The following HLA-DOA variants were observed in gnomAD, a reference collection of about 807,000 sequenced individuals.
The protein encoded by HLA-DOA is HLA class II histocompatibility antigen, DO alpha chain.
A neutral mutation model predicts 22.9 loss-of-function variants in HLA-DOA; 27 were observed. That is an observed-to-expected ratio of 1.18 (90% CI 0.87 to 1.62). HLA-DOA has a LOEUF of 1.62. Ranked by LOEUF, HLA-DOA falls within the 40% of genes most tolerant of loss-of-function variation. The pLI, the probability that HLA-DOA is intolerant of heterozygous loss-of-function variation, is 0.00. For missense variants in HLA-DOA, 324 were observed against 332.4 expected, an observed-to-expected ratio of 0.97 and a Z score of 0.20; for synonymous variants, 137 against 138.6, an observed-to-expected ratio of 0.99 and a Z score of 0.08.
At chr6:33,006,944 C>A in intron 4 of HLA-DOA, 103 bp from the exon 5 acceptor site, 5 of 1,448,764 alleles carry the variant, frequency 3.5e-6, no homozygotes, top group Non-Finnish European at 4.8e-6. Context: ...TCTCACCCCA[C>A]CTCTGCTTCT....
intron 2 of HLA-DOA, 173 bp downstream of exon 2, chr6:33,007,840 G>A (rs1780888718): frequency 1.1e-6 from 1 of 948,882 alleles, no homozygotes; most frequent in South Asian, 1.7e-5. Context: ...TCCTCAAGGA[G>A]AGGGGTGCCA....
Position 33,007,980 on chromosome 6 carries a change from G to A in HLA-DOA, c.331+33C>T, listed in dbSNP as rs1409201001. 8 of 1,595,382 alleles carry A rather than the reference G, an allele frequency of 5.0e-6. No individual in the cohort carries two copies. The African/African-American group carries it at 5.4e-5, about 11-fold the overall frequency. ...GGAGGAAGTTTCTCTGGACCTTCCCGCCTGACTGGGTGGGCAGAGGGAGGG... is the reference window on the plus strand; with the variant it reads ...GGAGGAAGTTTCTCTGGACCTTCCCACCTGACTGGGTGGGCAGAGGGAGGG... On this transcript the variant is annotated intron_variant, in intron 2 of 4. Coordinates refer to ENST00000229829, the MANE Select transcript of HLA-DOA (RefSeq NM_002119.4).
At chr6:33,007,725 G>A in intron 2 of HLA-DOA, 133 bp from the exon 3 acceptor site, 1 of 1,080,686 alleles carries the variant, frequency 9.3e-7, no homozygotes, top group Non-Finnish European at 1.3e-6. Flanking sequence ...ACTGGGGCAG[G>A]AGAGGAGGAA....
chr6:33,004,819 A>C lies in HLA-DOA; in HGVS notation c.*2019T>G, dbSNP rs1228161860. ...CTATACTTTGCATGTGATCACACAA[A>C]GAGGGTTTCTGTTACTGGCACACAA... On this transcript the variant is annotated 3_prime_UTR_variant, in exon 5 of 5. Coordinates refer to ENST00000229829, the MANE Select transcript of HLA-DOA (RefSeq NM_002119.4). 1 of 152,200 alleles carries C rather than the reference A, an allele frequency of 6.6e-6. No homozygotes were observed. Among genetic ancestry groups the C allele is most frequent in the Non-Finnish European group, 1.5e-5 (1 of 68,058 alleles). 9.4% of individuals were successfully genotyped at this position (152,200 alleles called of 1,614,324 possible).
At chr6:33,007,692 G>T in intron 2 of HLA-DOA, 100 bp from the exon 3 acceptor site, 3 of 1,359,322 alleles carry the variant, frequency 2.2e-6, no homozygotes, top group Non-Finnish European at 3.0e-6. Context: ...CCATCTGTGG[G>T]CAGGGGATGC....
In HLA-DOA at chr6:33,007,483, C is replaced by G. The variant is rs779247809; in HGVS notation, c.441G>C (p.Trp147Cys). The G allele has an allele frequency of 6.2e-7, 1 of 1,612,566 alleles. No individual in the cohort carries two copies. Among genetic ancestry groups the G allele is most frequent in the African/African-American group, 1.3e-5 (1 of 74,920 alleles). ...NIFPPVINITWLRNGQTVTEG... is the reference protein window; with the variant it reads ...NIFPPVINITCLRNGQTVTEG... ...CAGTGACAGTTTGGCCGTTGCGCAG[C>G]CAGGTGATATTGATCACAGGGGGGA... is the stretch of plus-strand genomic sequence containing the variant. The change falls in exon 3 of 5, where the codon TGG (tryptophan) becomes TGC (cysteine). Residue 147 changes from tryptophan (W) to cysteine (C), a missense_variant. Coordinates refer to ENST00000229829, the MANE Select transcript of HLA-DOA (RefSeq NM_002119.4).
chr6:33,004,555 T>C lies in HLA-DOA; in HGVS notation c.*2283A>G, dbSNP rs999110286. On this transcript the variant is annotated 3_prime_UTR_variant, in exon 5 of 5. Coordinates refer to ENST00000229829, the MANE Select transcript of HLA-DOA (RefSeq NM_002119.4). The stretch of plus-strand genomic sequence containing the variant: ...CTGTGGGTTGTGAGGGTTGAGATGA[T>C]ATAAACTCAGGAGCTGTCGGGTGGA... 3 of 152,136 alleles carry C rather than the reference T, an allele frequency of 2.0e-5. No homozygotes were observed. The highest frequency in any genetic ancestry group is 2.9e-5 in the Non-Finnish European group (2 of 68,038). 9.4% of individuals were successfully genotyped at this position (152,136 alleles called of 1,614,324 possible). A position where few individuals can be genotyped will look rare whatever the true frequency, so the allele number is the denominator to read the frequency against.
Position 33,007,109 on chromosome 6 carries a change from GA to G in HLA-DOA, c.719del (p.Ile240ThrfsTer41). On this transcript the variant is annotated frameshift_variant, in exon 4 of 5. Coordinates refer to ENST00000229829, the MANE Select transcript of HLA-DOA (RefSeq NM_002119.4). LOFTEE classifies it low-confidence loss of function (END_TRUNC). ...GGACACTGGACACATATGTGCCCAT[GA>G]TGATGAGGACGGTGCCCACGAGGAA... ...VGFLVGTVLI[I>X]MGTYVSSVPR The G allele has an allele frequency of 6.2e-7, 1 of 1,613,684 alleles. No individual in the cohort carries two copies. The highest frequency in any genetic ancestry group is 8.5e-7 in the Non-Finnish European group (1 of 1,179,918).
Position 33,008,003 on chromosome 6 carries a change from G to C in HLA-DOA, c.331+10C>G. ...CCGCCTGACTGGGTGGGCAGAGGGA[G>C]GGCCGGTACCGTTGATGGCTCTGCT... On this transcript the variant is annotated intron_variant, in intron 2 of 4. Transcript: ENST00000229829. 6 of 1,605,888 alleles carry C rather than the reference G, an allele frequency of 3.7e-6. No individual in the cohort carries two copies. The highest frequency in any genetic ancestry group is 5.1e-6 in the Non-Finnish European group (6 of 1,174,846).
Position 33,005,870 on chromosome 6 carries a change from T to G in HLA-DOA, c.*968A>C, listed in dbSNP as rs1270237380. The G allele has an allele frequency of 6.6e-6, 1 of 152,360 alleles. No homozygotes were observed. The highest frequency in any genetic ancestry group is 6.5e-5 in the Admixed American group (1 of 15,292). 9.4% of individuals were successfully genotyped at this position (152,360 alleles called of 1,614,324 possible). On this transcript the variant is annotated 3_prime_UTR_variant, in exon 5 of 5. Transcript: ENST00000229829. ...TGCTGGGATTACAGGAATGAGCCAC[T>G]GCACCAGGCCAATGCCTGTACTTTT...
rs763607952 is a variant in HLA-DOA at position 33,006,718 on chromosome 6, ATCCCACTCAAAG to A, written c.*108_*119del. ...GAGGGGACCCGTAGGACAGATGTTG[ATCCCACTCAAAG>A]TCAGCACAGCGGGATGCACTTAAAG... On this transcript the variant is annotated 3_prime_UTR_variant, in exon 5 of 5. Transcript: ENST00000229829. 1 of 1,541,236 alleles carries A rather than the reference ATCCCACTCAAAG, an allele frequency of 6.5e-7. No individual in the cohort carries two copies. Among genetic ancestry groups the A allele is most frequent in the East Asian group, 2.2e-5 (1 of 44,520 alleles).
chr6:33,006,845 A>C lies in HLA-DOA; in HGVS notation c.750-4T>G, dbSNP rs1472456985. 2 of 1,608,312 alleles carry C rather than the reference A, an allele frequency of 1.2e-6. No individual in the cohort carries two copies. Among genetic ancestry groups the C allele is most frequent in the Non-Finnish European group, 1.7e-6 (2 of 1,175,718 alleles). On this transcript the variant is annotated splice_polypyrimidine_tract_variant and splice_region_variant and intron_variant, in intron 4 of 4. Coordinates refer to ENST00000229829, the MANE Select transcript of HLA-DOA (RefSeq NM_002119.4). ...TTTCTCTCAGAAGGATCATTACCTA[A>C]AATAGCAGAAAACATACGATCGAGG...
chr6:33,006,208 GA>G lies in HLA-DOA; in HGVS notation c.*629del, dbSNP rs9280259. On this transcript the variant is annotated 3_prime_UTR_variant, in exon 5 of 5. Transcript: ENST00000229829. Reference sequence around the variant, plus strand: ...TCTTTATCATGCATGGGACTCTAGGGAAAAGTAGAAAAAGGAGATAACATCA... The same window carrying G: ...TCTTTATCATGCATGGGACTCTAGGGAAAGTAGAAAAAGGAGATAACATCA... 0.4 allele frequency: 61,145 copies of G among 152,880 alleles called. 12,503 individuals carry two copies. The highest frequency in any genetic ancestry group is 0.57 in the East Asian group (2,958 of 5,168). 9.5% of individuals were successfully genotyped at this position (152,880 alleles called of 1,614,324 possible). A position where few individuals can be genotyped will look rare whatever the true frequency, so the allele number is the denominator to read the frequency against.
Position 33,009,346 on chromosome 6 carries a change from C to T in HLA-DOA, c.82+109G>A. ...GGTGTCTCTTGGTGAAGGAAGTTGC[C>T]CATAAACCAGAGAGCGAGAGGAACA... On this transcript the variant is annotated intron_variant, in intron 1 of 4. Coordinates refer to ENST00000229829, the MANE Select transcript of HLA-DOA (RefSeq NM_002119.4). The surrounding 1 kb of genome is among the most constrained non-coding windows in gnomAD (Gnocchi z 4.8). 1.5e-6 allele frequency: 1 copy of T among 686,956 alleles called. No individual in the cohort carries two copies. The allele number at this position is 686,956 out of a possible 1,614,324, so 42.6% of individuals were successfully genotyped here. A position where few individuals can be genotyped will look rare whatever the true frequency, so the allele number is the denominator to read the frequency against.
Position 33,008,306 on chromosome 6 carries a change from T to G in HLA-DOA, c.83-45A>C, listed in dbSNP as rs1382573659. ...GGTCAAGGAGAGAGAAAAAAATGTG[T>G]CTGTCTCATCCACAATATGTGATTG... On this transcript the variant is annotated intron_variant, in intron 1 of 4. Transcript: ENST00000229829. 3.8e-6 allele frequency: 6 copies of G among 1,596,548 alleles called. No individual in the cohort carries two copies. The African/African-American group carries it at 8.1e-5, about 21-fold the overall frequency.
chr6:33,007,921 A>G, intron 2 of HLA-DOA, 92 bp downstream of exon 2: 2 of 1,456,116 alleles, frequency 1.4e-6, no homozygotes, highest in Non-Finnish European at 1.8e-6. Flanking sequence ...GGGCGCTGAG[A>G]GCGCGCCCCA....
chr6:33,008,157 T>A lies in HLA-DOA; in HGVS notation c.187A>T (p.Lys63Ter). 1 of 1,613,070 alleles carries A rather than the reference T, an allele frequency of 6.2e-7. No homozygotes were observed. Among genetic ancestry groups the A allele is most frequent in the Admixed American group, 1.7e-5 (1 of 60,034 alleles). The change falls in exon 2 of 5, where the codon AAG (lysine) becomes TAG (stop). Residue 63 changes from lysine (K) to a stop codon, truncating the protein, a stop_gained. Transcript: ENST00000229829. LOFTEE classifies it high-confidence loss of function. ...DEEQLFSVDL[K>*]KSEAVWRLPE... is the part of the protein sequence containing the mutation. ...AGACGCCACACGGCCTCGCTTTTCT[T>A]CAGGTCCACAGAGAACAGCTGTTCC...
rs959129232 is a variant in HLA-DOA at position 33,009,512 on chromosome 6, G to C, written c.25C>G (p.Leu9Val). 3.7e-6 allele frequency: 6 copies of C among 1,606,814 alleles called. No individual in the cohort carries two copies. In the African/African-American group the frequency reaches 8.0e-5, roughly 21 times the overall value. The change falls in exon 1 of 5, where the codon CTG becomes GTG. Residue 9 changes from leucine (L) to valine (V), a missense_variant. Transcript: ENST00000229829. This position sits in a 1 kb window ranked among gnomAD's most constrained non-coding sequence, Gnocchi z 4.8. MALRAGLVLGFHTLMTLLS... is the reference protein window; with the variant it reads MALRAGLVVGFHTLMTLLS... ...AGGGTCATCAGGGTGTGGAACCCCA[G>C]GACCAGCCCTGCTCTGAGGGCCATT... is the stretch of plus-strand genomic sequence containing the variant.
chr6:33,007,678 G>T (rs1780881084), intron 2 of HLA-DOA, 86 bp from the exon 3 acceptor site: 1 of 1,450,804 alleles, frequency 6.9e-7, no homozygotes. Flanking sequence ...TTCCCCCTTT[G>T]TAGCCATCTG....
Sources: allele counts gnomAD v4.1 joint callset, GRCh38; gene constraint gnomAD v4.1.1; non-coding constraint Gnocchi (gnomAD v3.1); transcripts MANE v1.5; gene names NCBI Gene and HGNC (gene_info 2026-07-23, HGNC 2026-07-21).